UBA3: variants seen among roughly 807,000 people sequenced by gnomAD.
UBA3 encodes the protein ubiquitin like modifier activating enzyme 3.
Under a neutral mutation model 73.5 loss-of-function variants are expected in UBA3, and 26 were observed. That is an observed-to-expected ratio of 0.35 (90% confidence interval 0.26 to 0.49). The LOEUF is 0.49. UBA3 is among the 20% of genes least tolerant of loss of function. UBA3 has a pLI of 0.98. For missense variants in UBA3, 495 were observed against 555.6 expected (o/e 0.89, Z 1.10); for synonymous variants, 217 against 191.2 (o/e 1.13, Z -1.11).
chr3:69,077,777 T>G (rs529912760), intron 3 of UBA3, 21 bp downstream of exon 3: 16 of 1,601,912 alleles, frequency 1.0e-5, no homozygotes, highest in Non-Finnish European at 1.4e-5. Context: ...GAGCAGTTAT[T>G]TAAAAATAAA....
Position 69,063,042 on chromosome 3 carries a change from C to A in UBA3, c.633G>T (p.Arg211=), listed in dbSNP as rs1355470812. ...GGTEGFKGNA[R]VILPGMTACI... ...AAGCAGTCATTCCAGGCAGAATCAC[C>A]CGGGCATTTCCTTTAAAACCTTCTG... The change falls in exon 9 of 18, where the codon CGG becomes CGT. Residue 211 remains arginine, a synonymous_variant. Coordinates refer to ENST00000361055, the MANE Select transcript of UBA3 (RefSeq NM_003968.4). 4 of 1,614,026 alleles carry A rather than the reference C, an allele frequency of 2.5e-6. No homozygotes were observed.
At chr3:69,067,622 C>T (rs2107492421) in intron 6 of UBA3, among the ~76,000 whole-genome samples, 1 of 152,250 alleles carries the variant, frequency 6.6e-6, no homozygotes, top group South Asian at 2.1e-4. Flanking sequence ...TAGGAATTTA[C>T]ACTCTAGTAA....
intron 6 of UBA3, among the ~76,000 whole-genome samples, chr3:69,066,909 A>G: frequency 6.6e-6 from 1 of 152,134 alleles, no homozygotes; most frequent in Non-Finnish European, 1.5e-5. Context: ...CCATACTTAT[A>G]TGGGGCTATT....
intron 11 of UBA3, 121 bp downstream of exon 11, chr3:69,061,693 G>T (rs978791825): frequency 1.2e-5 from 7 of 583,882 alleles, no homozygotes; most frequent in African/African-American, 1.9e-5. Flanking sequence ...GAATTACATG[G>T]TACCTTTACT....
At position 69,080,354 on chromosome 3, in the gene UBA3, A is replaced by C. The variant is rs770627191; in HGVS notation, c.-1T>G. ...CTTACGGCTCCTCGCCATCCGCCAT[A>C]TTGTTCTCCGCCTCTTCCCAGGTGC... On this transcript the variant is annotated 5_prime_UTR_variant, in exon 1 of 18. Transcript: ENST00000361055. 1.3e-6 allele frequency: 2 copies of C among 1,594,946 alleles called. No homozygotes were observed. Among genetic ancestry groups the C allele is most frequent in the Admixed American group, 3.4e-5 (2 of 58,838 alleles).
chr3:69,069,019 C>G (rs2107493842), intron 5 of UBA3, among the ~76,000 whole-genome samples: 1 of 152,248 alleles, frequency 6.6e-6, no homozygotes, highest in Non-Finnish European at 1.5e-5. Context: ...TATGAATTTC[C>G]TCCTCTAAGT....
intron 6 of UBA3, among the ~76,000 whole-genome samples, chr3:69,064,947 A>C (rs1237467745): frequency 6.6e-6 from 1 of 152,214 alleles, no homozygotes; most frequent in African/African-American, 2.4e-5. Context: ...GGGACAATAC[A>C]TGCTTCCTCT....
At chr3:69,071,232 C>T (rs1332587313) in intron 5 of UBA3, 6 of 232,636 alleles carry the variant, frequency 2.6e-5, no homozygotes, top group African/African-American at 7.0e-5. Flanking sequence ...GAAGAGCTAC[C>T]GTTCTTTCCT....
intron 6 of UBA3, among the ~76,000 whole-genome samples, chr3:69,065,082 G>A (rs909514327): frequency 2.0e-4 from 31 of 152,030 alleles, no homozygotes; most frequent in African/African-American, 7.5e-4. Context: ...CAGCTAGAAA[G>A]AGGTCAAAAA....
intron 5 of UBA3, among the ~76,000 whole-genome samples, chr3:69,070,622 C>T (rs1440687616): frequency 6.6e-6 from 1 of 152,116 alleles, no homozygotes; most frequent in African/African-American, 2.4e-5. Flanking sequence ...TGTCTGGATA[C>T]ATGGTCTACT....
intron 6 of UBA3, among the ~76,000 whole-genome samples, chr3:69,064,467 T>A (rs1174431951): frequency 6.6e-6 from 1 of 152,226 alleles, no homozygotes; most frequent in Non-Finnish European, 1.5e-5. Flanking sequence ...AGAGATGCAA[T>A]AAATGTTTTA....
chr3:69,058,855 TCTC>T (rs2091998799), intron 11 of UBA3, among the ~76,000 whole-genome samples: 2 of 152,106 alleles, frequency 1.3e-5, no homozygotes, highest in African/African-American at 2.4e-5. Flanking sequence ...CACTTCCAAT[TCTC>T]CTTCTGTACT....
chr3:69,058,084 C>A (rs1359973953), intron 11 of UBA3, among the ~76,000 whole-genome samples: 3 of 152,006 alleles, frequency 2.0e-5, no homozygotes, highest in Non-Finnish European at 4.4e-5. Context: ...GGGCCCGCCA[C>A]CACGCCTGGC....
At chr3:69,076,727 T>C (rs1208544522) in intron 3 of UBA3, among the ~76,000 whole-genome samples, 1 of 151,964 alleles carries the variant, frequency 6.6e-6, no homozygotes, top group African/African-American at 2.4e-5. Context: ...TGTATCATCA[T>C]GCACAGCTAA....
intron 11 of UBA3, among the ~76,000 whole-genome samples, chr3:69,060,291 A>C (rs2092011010): frequency 7.0e-6 from 1 of 141,922 alleles, no homozygotes; most frequent in Non-Finnish European, 1.5e-5. Flanking sequence ...TAAGAAAAAC[A>C]AAAAAAAAAA....
At chr3:69,079,648 G>A (rs1210787174) in intron 2 of UBA3, 1 of 156,598 alleles carries the variant, frequency 6.4e-6, no homozygotes, top group Admixed American at 6.5e-5. Flanking sequence ...AAAATGACTG[G>A]AGTGCTTAGT....
intron 11 of UBA3, among the ~76,000 whole-genome samples, chr3:69,057,999 C>T (rs1384123452): frequency 3.6e-5 from 5 of 140,380 alleles, no homozygotes; most frequent in Admixed American, 7.6e-5. Flanking sequence ...GATCTGATCT[C>T]GGCTCACTGC....
At chr3:69,080,232 G>A in intron 1 of UBA3, 79 bp from the exon 2 acceptor site, 1 of 1,485,132 alleles carries the variant, frequency 6.7e-7, no homozygotes, top group South Asian at 1.2e-5. Flanking sequence ...AGGGGACGGG[G>A]CGGGGGGTGT....
intron 4 of UBA3, among the ~76,000 whole-genome samples, chr3:69,073,666 C>A (rs867051761): frequency 6.7e-6 from 1 of 148,274 alleles, no homozygotes; most frequent in Admixed American, 6.7e-5. Context: ...GACGGAGTCT[C>A]GCTCTGTTGC....
Sources: allele counts gnomAD v4.1 joint callset (sites outside exome capture counted in the v4.1 genomes callset), GRCh38; gene constraint gnomAD v4.1.1; transcripts MANE v1.5; gene names NCBI Gene and HGNC (gene_info 2026-07-23, HGNC 2026-07-21).